HS6ST3: variants seen among roughly 807,000 people sequenced by gnomAD.
HS6ST3 encodes heparan-sulfate 6-O-sulfotransferase 3.
A neutral mutation model predicts 36.7 loss-of-function variants in HS6ST3; 12 were observed. The observed-to-expected ratio is 0.33, with a 90% confidence interval of 0.21 to 0.53. The LOEUF (loss-of-function observed/expected upper bound fraction) is 0.53. Among genes scored for constraint, HS6ST3 ranks in the 20% least tolerant of loss-of-function variants. HS6ST3 has a pLI of 0.95. For missense variants in HS6ST3, 584 were observed against 640.9 expected, an observed-to-expected ratio of 0.91 and a Z score of 0.96; for synonymous variants, 240 against 257.5, an observed-to-expected ratio of 0.93 and a Z score of 0.65.
At chr13:96,780,966 G>A (rs1454741115) in intron 1 of HS6ST3, among the ~76,000 whole-genome samples, 2 of 151,590 alleles carry the variant, frequency 1.3e-5, no homozygotes, top group South Asian at 2.1e-4. Context: ...CCAGCAACTA[G>A]ATTATATACT....
At chr13:96,234,332 C>T (rs553372370) in intron 1 of HS6ST3, among the ~76,000 whole-genome samples, 1 of 152,192 alleles carries the variant, frequency 6.6e-6, no homozygotes, top group South Asian at 2.1e-4. Context: ...ATCGTTTGAA[C>T]CCAGGAGACG....
chr13:96,532,737 T>C (rs1334981722), intron 1 of HS6ST3, among the ~76,000 whole-genome samples: 1 of 152,080 alleles, frequency 6.6e-6, no homozygotes, highest in Admixed American at 6.6e-5. Context: ...TGACCCGAAC[T>C]TCAGGAAGTC....
intron 1 of HS6ST3, among the ~76,000 whole-genome samples, chr13:96,252,086 C>T (rs2054610394): frequency 6.6e-6 from 1 of 152,114 alleles, no homozygotes; most frequent in Non-Finnish European, 1.5e-5. Flanking sequence ...TTATTCAAGT[C>T]TGTAGTTTTC....
intron 1 of HS6ST3, among the ~76,000 whole-genome samples, chr13:96,500,682 T>C (rs2055999954): frequency 6.6e-6 from 1 of 152,126 alleles, no homozygotes. Context: ...TCACAACATA[T>C]CGACAAGTCT....
Position 96,601,024 on chromosome 13 carries a change from G to A in HS6ST3, c.708-231466G>A, listed in dbSNP as rs558865811. ...CCCTTTTGGCTTGGAAGGTTTCATT[G>A]AGAAGTGTACTATTAGTCTCATAGG... is the stretch of plus-strand genomic sequence containing the variant. On this transcript the variant is annotated intron_variant, in intron 1 of 1. Transcript: ENST00000376705. 6.2e-4 allele frequency among the ~76,000 whole-genome samples: 95 copies of A among 152,180 alleles called. 2 individuals are homozygous for A. The highest frequency in any genetic ancestry group is 2.1e-4 in the Non-Finnish European group (14 of 67,984).
At chr13:96,240,395 G>T (rs1192183898) in intron 1 of HS6ST3, among the ~76,000 whole-genome samples, 1 of 152,110 alleles carries the variant, frequency 6.6e-6, no homozygotes, top group Non-Finnish European at 1.5e-5. Context: ...ATAAGCTTTA[G>T]TACTCTATTG....
At chr13:96,309,986 T>G (rs1021862961) in intron 1 of HS6ST3, among the ~76,000 whole-genome samples, 1 of 152,252 alleles carries the variant, frequency 6.6e-6, no homozygotes, top group African/African-American at 2.4e-5. Context: ...CATTTATAAA[T>G]GCATAGAATA....
chr13:96,686,995 A>G (rs969270529), intron 1 of HS6ST3, among the ~76,000 whole-genome samples: 1 of 151,976 alleles, frequency 6.6e-6, no homozygotes, highest in Non-Finnish European at 1.5e-5. Flanking sequence ...TAATTTATGC[A>G]TGCATGCTAC....
intron 1 of HS6ST3, among the ~76,000 whole-genome samples, chr13:96,192,523 C>A (rs2054293146): frequency 6.6e-6 from 1 of 151,974 alleles, no homozygotes; most frequent in Non-Finnish European, 1.5e-5. Context: ...TTAGCTCCCC[C>A]TTTTAAGTGA....
chr13:96,264,024 G>A (rs75223932), intron 1 of HS6ST3, among the ~76,000 whole-genome samples: 6,350 of 152,198 alleles, frequency 0.042, 212 homozygotes, highest in African/African-American at 0.098. Flanking sequence ...AGCCAGCCAG[G>A]GTGAGGGATT....
At chr13:96,424,951 T>C (rs1437464093) in intron 1 of HS6ST3, among the ~76,000 whole-genome samples, 1 of 152,188 alleles carries the variant, frequency 6.6e-6, no homozygotes, top group African/African-American at 2.4e-5. Context: ...ATGGGATGTG[T>C]AATTCTGGAA....
chr13:96,536,416 A>G (rs2056155572), intron 1 of HS6ST3, among the ~76,000 whole-genome samples: 1 of 152,234 alleles, frequency 6.6e-6, no homozygotes, highest in South Asian at 2.1e-4. Flanking sequence ...TGTTACACTT[A>G]TAATTTATTA....
At chr13:96,758,333 G>A (rs895083362) in intron 1 of HS6ST3, among the ~76,000 whole-genome samples, 8 of 151,732 alleles carry the variant, frequency 5.3e-5, no homozygotes, top group African/African-American at 1.9e-4. Context: ...GCTGCTAGAG[G>A]TTTATGATTT....
intron 1 of HS6ST3, among the ~76,000 whole-genome samples, chr13:96,143,871 A>G (rs1414506165): frequency 6.6e-6 from 1 of 152,140 alleles, no homozygotes; most frequent in Admixed American, 6.6e-5. Flanking sequence ...GGAAGAAGCA[A>G]GTTAGATGAG....
At chr13:96,176,243 A>G (rs16951625) in intron 1 of HS6ST3, among the ~76,000 whole-genome samples, 3,893 of 152,330 alleles carry the variant, frequency 0.026, 63 homozygotes, top group East Asian at 0.055. Context: ...TCTGTAAGAT[A>G]CAACACTCAT....
intron 1 of HS6ST3, among the ~76,000 whole-genome samples, chr13:96,829,555 C>G (rs1490253827): frequency 6.6e-6 from 1 of 152,112 alleles, no homozygotes; most frequent in Non-Finnish European, 1.5e-5. Context: ...TCATTTAGCT[C>G]CTACTTATAA....
In HS6ST3 at chr13:96,180,194, G is replaced by GCACA. The variant is rs139357974; in HGVS notation, c.707+88637_707+88640dup. Among the ~76,000 whole-genome samples, 47 of 150,902 alleles carry GCACA rather than the reference G, an allele frequency of 3.1e-4. 1 individual carries two copies. Among genetic ancestry groups the GCACA allele is most frequent in the Admixed American group, 2.4e-3 (37 of 15,112 alleles). On this transcript the variant is annotated intron_variant, in intron 1 of 1. Transcript: ENST00000376705. The stretch of plus-strand genomic sequence containing the variant: ...TTCCCAACTATGCGGACATACACAC[G>GCACA]CACACACACACACACGCCAACCAAC...
intron 1 of HS6ST3, among the ~76,000 whole-genome samples, chr13:96,680,616 A>G (rs921129124): frequency 1.3e-5 from 2 of 152,006 alleles, no homozygotes; most frequent in Admixed American, 6.6e-5. Flanking sequence ...AAACCATCAT[A>G]CTCCTAAGAG....
chr13:96,162,385 G>A (rs1333124947), intron 1 of HS6ST3, among the ~76,000 whole-genome samples: 1 of 152,194 alleles, frequency 6.6e-6, no homozygotes, highest in Non-Finnish European at 1.5e-5. Context: ...AGGATCCAGA[G>A]AGACTAAATA....
Sources: gnomAD v4.1 joint callset for allele counts (sites outside exome capture counted in the v4.1 genomes callset) on GRCh38, gnomAD v4.1.1 for gene constraint, MANE v1.5 for transcripts, NCBI Gene and HGNC (gene_info 2026-07-23, HGNC 2026-07-21) for gene names.